TMEM132E: variants seen among roughly 807,000 people sequenced by gnomAD.
The protein encoded by TMEM132E is transmembrane protein 132E.
A neutral mutation model predicts 78.5 loss-of-function variants in TMEM132E; 49 were observed. The observed-to-expected ratio is 0.62, with a 90% CI of 0.50 to 0.79. The LOEUF (loss-of-function observed/expected upper bound fraction) is 0.79. Among genes scored for constraint, TMEM132E ranks in the 30% least tolerant of loss-of-function variants. The pLI is 0.00. For missense variants in TMEM132E, 1,403 were observed against 1,470.9 expected (o/e 0.95, Z 0.75); for synonymous variants, 715 against 670.6 (o/e 1.07, Z -1.02).
intron 1 of TMEM132E, among the ~76,000 whole-genome samples, chr17:34,600,758 C>A (rs1355695914): frequency 6.6e-6 from 1 of 152,118 alleles, no homozygotes. Flanking sequence ...CCCAGAGCAG[C>A]AGGGCACCTT....
At chr17:34,610,229 C>T (rs1341645010) in intron 1 of TMEM132E, among the ~76,000 whole-genome samples, 1 of 152,222 alleles carries the variant, frequency 6.6e-6, no homozygotes, top group East Asian at 1.9e-4. Context: ...CCGGCAAATT[C>T]CTTAAGGGCA....
At chr17:34,608,739 G>A (rs1906496001) in intron 1 of TMEM132E, among the ~76,000 whole-genome samples, 1 of 152,158 alleles carries the variant, frequency 6.6e-6, no homozygotes, top group Non-Finnish European at 1.5e-5. Context: ...AACCACATAA[G>A]ACCTCTTTTT....
intron 1 of TMEM132E, among the ~76,000 whole-genome samples, chr17:34,595,817 G>C (rs771758447): frequency 6.6e-6 from 1 of 152,198 alleles, no homozygotes; most frequent in Non-Finnish European, 1.5e-5. Flanking sequence ...GGTCACAGCT[G>C]TGGGTAACCT....
At chr17:34,631,391 C>T (rs1326303510) in intron 5 of TMEM132E, among the ~76,000 whole-genome samples, 1 of 152,200 alleles carries the variant, frequency 6.6e-6, no homozygotes, top group Admixed American at 6.5e-5. Context: ...CAGGCCTGCT[C>T]CCAAGGGCCC....
intron 1 of TMEM132E, among the ~76,000 whole-genome samples, chr17:34,613,211 A>ACACACACGCGCG: frequency 0.029 from 3,302 of 115,720 alleles, 107 homozygotes; most frequent in Admixed American, 0.051. Flanking sequence ...ACACACACAC[A>ACACACACGCGCG]CGCGCGCGCG....
chr17:34,633,440 C>T (rs1276565718), intron 6 of TMEM132E, among the ~76,000 whole-genome samples: 1 of 152,276 alleles, frequency 6.6e-6, no homozygotes, highest in African/African-American at 2.4e-5. Flanking sequence ...AGTGCAGACA[C>T]ACTGTGACTC....
At chr17:34,582,815 A>G (rs761248224) in intron 1 of TMEM132E, among the ~76,000 whole-genome samples, 1 of 152,080 alleles carries the variant, frequency 6.6e-6, no homozygotes, top group Non-Finnish European at 1.5e-5. Flanking sequence ...GCCTGAGTCT[A>G]GGTGGGTTCT....
intron 1 of TMEM132E, among the ~76,000 whole-genome samples, chr17:34,606,018 T>A (rs1645589184): frequency 1.3e-5 from 2 of 152,168 alleles, no homozygotes; most frequent in South Asian, 4.1e-4. Flanking sequence ...GGCAGGAGTA[T>A]GGCCGGGTCA....
At chr17:34,607,421 A>C (rs1906452069) in intron 1 of TMEM132E, among the ~76,000 whole-genome samples, 1 of 152,180 alleles carries the variant, frequency 6.6e-6, no homozygotes, top group African/African-American at 2.4e-5. Context: ...ATCTCTTCCC[A>C]AAGGAAAATC....
At chr17:34,612,961 C>T (rs569510756) in intron 1 of TMEM132E, among the ~76,000 whole-genome samples, 1 of 152,008 alleles carries the variant, frequency 6.6e-6, no homozygotes, top group Non-Finnish European at 1.5e-5. Context: ...GAGGCAGCCT[C>T]TAAATGTTAG....
chr17:34,627,107 C>T (rs1199555426), intron 2 of TMEM132E, 50 bp downstream of exon 2: 2 of 805,632 alleles, frequency 2.5e-6, no homozygotes, highest in Non-Finnish European at 4.1e-6. Context: ...AGATCAAATG[C>T]ATACCTGACT....
intron 1 of TMEM132E, among the ~76,000 whole-genome samples, chr17:34,594,473 A>G (rs80078436): frequency 0.11 from 16,019 of 152,282 alleles, 2,423 homozygotes; most frequent in African/African-American, 0.33. Context: ...AAATGGGATA[A>G]TAAGAGTGCC....
At position 34,626,849 on chromosome 17, in the gene TMEM132E, AC is replaced by A; in HGVS notation, c.793del (p.Gln265SerfsTer30). 1 of 1,597,380 alleles carries A rather than the reference AC, an allele frequency of 6.3e-7. No individual in the cohort carries two copies. Among genetic ancestry groups the A allele is most frequent in the Non-Finnish European group, 8.5e-7 (1 of 1,176,080 alleles). ...GGTGGGGGCCCGAGCGGAAAGCCCT[AC>A]CCAGCACCCCCTGCTGCGCATCGGG... Reference protein sequence around the residue: ...PGVGARAESPTQHPLLRIGSI... With the variant: ...PGVGARAESPXQHPLLRIGSI... On this transcript the variant is annotated frameshift_variant, in exon 2 of 9. Transcript: ENST00000631683. LOFTEE classifies it high-confidence loss of function.
intron 1 of TMEM132E, among the ~76,000 whole-genome samples, chr17:34,592,282 C>T (rs1019005525): frequency 6.6e-6 from 1 of 152,182 alleles, no homozygotes; most frequent in Non-Finnish European, 1.5e-5. Flanking sequence ...GCAGCCCAAC[C>T]GGGGTGGAGG....
rs543161659 is a variant in TMEM132E, at chr17:34,598,870, C to T, written c.67+17727C>T. Among the ~76,000 whole-genome samples, 34 of 152,242 alleles carry T rather than the reference C, an allele frequency of 2.2e-4. No individual in the cohort carries two copies. The South Asian group carries it at 6.9e-3, about 31-fold the overall frequency. Reference sequence around the variant, plus strand: ...GGGGTGGGGAGGTGTTGAACTACAGCACTCTTGATTGTCCCGCCAGAAGAG... The same window carrying T: ...GGGGTGGGGAGGTGTTGAACTACAGTACTCTTGATTGTCCCGCCAGAAGAG... On this transcript the variant is annotated intron_variant, in intron 1 of 8. Transcript: ENST00000631683.
chr17:34,626,945 A>C lies in TMEM132E; in HGVS notation c.886A>C (p.Ile296Leu). The C allele has an allele frequency of 1.9e-6, 3 of 1,613,770 alleles. No homozygotes were observed. The highest frequency in any genetic ancestry group is 2.5e-6 in the Non-Finnish European group (3 of 1,180,016). ...QEHRLDSNLM[I>L]RLPDRPLKPG... ...GCACAGGCTGGACAGCAACCTGATG[A>C]TCCGCCTGCCAGACCGGCCCCTCAA... Residue 296 changes from isoleucine to leucine, a missense_variant, in exon 2 of 9, where the codon ATC becomes CTC. Around this residue, in one of 3 missense-constraint regions of TMEM132E, gnomAD observed 511 missense variants for 499.0 expected, o/e 1.02. Transcript: ENST00000631683.
At chr17:34,595,564 C>T (rs1419447792) in intron 1 of TMEM132E, among the ~76,000 whole-genome samples, 1 of 152,138 alleles carries the variant, frequency 6.6e-6, no homozygotes. Context: ...GAGGTGTGAT[C>T]CTTAAAGTCA....
chr17:34,601,594 G>A (rs1166123866), intron 1 of TMEM132E, among the ~76,000 whole-genome samples: 1 of 152,254 alleles, frequency 6.6e-6, no homozygotes, highest in Non-Finnish European at 1.5e-5. Context: ...CACACAGGGT[G>A]ACAGTGATTA....
At chr17:34,620,518 G>C (rs1906926797) in intron 1 of TMEM132E, among the ~76,000 whole-genome samples, 1 of 152,234 alleles carries the variant, frequency 6.6e-6, no homozygotes, top group African/African-American at 2.4e-5. Flanking sequence ...CATAGGCAGA[G>C]GTATGAAAAA....
Sources: gnomAD v4.1 joint callset for allele counts (sites outside exome capture counted in the v4.1 genomes callset) on GRCh38, gnomAD v4.1.1 for gene constraint, gnomAD v4.1.1 regional missense constraint, MANE v1.5 for transcripts, NCBI Gene and HGNC (gene_info 2026-07-23, HGNC 2026-07-21) for gene names.